The following PARP10 variants were observed in gnomAD, a reference collection of about 807,000 sequenced individuals.
The protein encoded by PARP10 is protein mono-ADP-ribosyltransferase PARP10.
A neutral mutation model predicts 82.4 loss-of-function variants in PARP10; 56 were observed. The observed-to-expected ratio is 0.68, with a 90% CI of 0.55 to 0.85. PARP10 has a LOEUF of 0.85. Among genes scored for constraint, PARP10 ranks in the 40% least tolerant of loss-of-function variants. PARP10 has a pLI of 0.00. For synonymous variants in PARP10, 576 were observed against 601.1 expected (o/e 0.96, Z 0.61); for missense variants, 1,227 against 1,379.4 (o/e 0.89, Z 1.75).
chr8:143,992,722 G>A (rs1834121774), upstream of PARP10: 3 of 1,613,942 alleles, frequency 1.9e-6, no homozygotes, highest in South Asian at 3.3e-5. Context: ...GCTGCTACTG[G>A]GGAACAAGCA....
upstream of PARP10, chr8:143,990,345 G>C (rs1366078289): frequency 6.6e-6 from 1 of 150,880 alleles, no homozygotes; most frequent in Non-Finnish European, 1.5e-5. This position sits in a 1 kb window ranked among gnomAD's most constrained non-coding sequence, Gnocchi z 5.6. Context: ...GCGCGCGGCA[G>C]CTCGCGGCCA....
chr8:143,985,048 C>T lies in PARP10; in HGVS notation c.954G>A (p.Gly318=), dbSNP rs782695512. The T allele has an allele frequency of 6.2e-7, 1 of 1,613,904 alleles. No individual in the cohort carries two copies. Among genetic ancestry groups the T allele is most frequent in the Non-Finnish European group, 8.5e-7 (1 of 1,179,970 alleles). ...CCTGGCCAGAGCCTGTTGTCATAATCCCTCTACCCTGCACCATGGGACCTG... is the reference window on the plus strand; with the variant it reads ...CCTGGCCAGAGCCTGTTGTCATAATTCCTCTACCCTGCACCATGGGACCTG... ...LRTGPMVQGR[G]IMTTGSGQEP... is the part of the protein sequence containing the mutation. Residue 318 remains glycine (G), a synonymous_variant, in exon 5 of 11, where the codon GGG becomes GGA. Transcript: ENST00000313028.
At chr8:143,989,127 C>A (rs987773027), upstream of PARP10, among the ~76,000 whole-genome samples, 8 of 152,370 alleles carry the variant, frequency 5.3e-5, no homozygotes, top group African/African-American at 1.9e-4. This position sits in a 1 kb window ranked among gnomAD's most constrained non-coding sequence, Gnocchi z 4.3. Context: ...ACCATAGGTG[C>A]AGGACTCAGA....
upstream of PARP10, chr8:143,992,954 G>C (rs1382858099): frequency 7.8e-6 from 7 of 893,710 alleles, no homozygotes; most frequent in Non-Finnish European, 1.2e-5. Flanking sequence ...GCACAGCCTA[G>C]GGAAAAGGAT....
At chr8:143,981,409 G>A (rs1833856510) in intron 9 of PARP10, among the ~76,000 whole-genome samples, 1 of 65,646 alleles carries the variant, frequency 1.5e-5, no homozygotes. Flanking sequence ...TGGTGGTGAC[G>A]ACAGTGAGTG....
At position 143,985,207 on chromosome 8, in the gene PARP10, C is replaced by A; in HGVS notation, c.795G>T (p.Pro265=). The part of the protein sequence containing the change: ...LAENTSGGDH[P]STQGPRATKH... Reference sequence around the variant, plus strand: ...TGGTAGCCCTAGGCCCCTGGGTGGACGGGTGGTCCCCTCCACTGGTGTTCT... The same window carrying A: ...TGGTAGCCCTAGGCCCCTGGGTGGAAGGGTGGTCCCCTCCACTGGTGTTCT... Residue 265 remains proline (P), a synonymous_variant, in exon 5 of 11, where the codon CCG becomes CCT. Transcript: ENST00000313028. The A allele has an allele frequency of 6.2e-7, 1 of 1,614,114 alleles. No homozygotes were observed. Among genetic ancestry groups the A allele is most frequent in the South Asian group, 1.1e-5 (1 of 91,082 alleles).
upstream of PARP10, chr8:143,990,449 T>G (rs1372197227): frequency 6.6e-6 from 1 of 150,786 alleles, no homozygotes; most frequent in Non-Finnish European, 1.5e-5. This position sits in a 1 kb window ranked among gnomAD's most constrained non-coding sequence, Gnocchi z 5.6. Flanking sequence ...CCCGTGACCC[T>G]GTGCGCCCCC....
intron 1 of PARP10, among the ~76,000 whole-genome samples, chr8:144,001,362 G>A (rs934797880): frequency 1.3e-5 from 2 of 152,182 alleles, no homozygotes; most frequent in African/African-American, 4.8e-5. Flanking sequence ...TGGGATTACA[G>A]GCGTGAGACA....
chr8:143,980,765 T>C (rs1833833059), intron 9 of PARP10, among the ~76,000 whole-genome samples: 1 of 152,288 alleles, frequency 6.6e-6, no homozygotes, highest in East Asian at 1.9e-4. Context: ...CCTTGAATCC[T>C]AGAACATCTT....
chr8:144,001,724 G>T (rs1171081992), intron 1 of PARP10, among the ~76,000 whole-genome samples: 1 of 151,778 alleles, frequency 6.6e-6, no homozygotes, highest in African/African-American at 2.4e-5. Context: ...GAAGAGAAGA[G>T]AAAAGAGAAA....
intron 9 of PARP10, among the ~76,000 whole-genome samples, chr8:143,978,446 G>A (rs1210903108): frequency 6.6e-6 from 1 of 152,226 alleles, no homozygotes; most frequent in Non-Finnish European, 1.5e-5. Flanking sequence ...GAAAGACCCA[G>A]GTGGGAGAGA....
upstream of PARP10, among the ~76,000 whole-genome samples, chr8:143,994,185 C>T (rs1354378760): frequency 6.6e-6 from 1 of 152,216 alleles, no homozygotes; most frequent in East Asian, 1.9e-4. Flanking sequence ...CTCCCCACTG[C>T]CCAGTCAGTC....
intron 1 of PARP10, 46 bp from the exon 2 acceptor site, chr8:143,986,279 C>G (rs1833990045): frequency 6.2e-7 from 1 of 1,613,434 alleles, no homozygotes; most frequent in Non-Finnish European, 8.5e-7. Flanking sequence ...CATTCCACCC[C>G]TCCTGCCCCT....
rs781798969 is a variant in PARP10, at chr8:143,983,051, G to A, written c.2437C>T (p.Leu813=). 93 of 1,613,232 alleles carry A rather than the reference G, an allele frequency of 5.8e-5. No individual in the cohort carries two copies. The Admixed American group carries it at 1.6e-3, about 27-fold the overall frequency. The change falls in exon 9 of 11, where the codon CTG becomes TTG. Residue 813 remains leucine (L), a synonymous_variant. Coordinates refer to ENST00000313028, the MANE Select transcript of PARP10 (RefSeq NM_032789.5). The part of the protein sequence containing the change: ...ASGPTLAGQT[L]KGPWNNLERL... ...TCCAGGTTGTTCCAGGGCCCCTTCA[G>A]CGTCTGCCCCGCCACTGATGCATGG... is the stretch of plus-strand genomic sequence containing the variant.
Position 143,983,691 on chromosome 8 carries a change from C to G in PARP10, c.1898G>C (p.Gly633Ala). The G allele has an allele frequency of 6.2e-7, 1 of 1,609,300 alleles. No individual in the cohort carries two copies. Among genetic ancestry groups the G allele is most frequent in the African/African-American group, 1.3e-5 (1 of 74,908 alleles). Residue 633 changes from glycine to alanine, a missense_variant, in exon 8 of 11, where the codon GGG (glycine) becomes GCG (alanine). Coordinates refer to ENST00000313028, the MANE Select transcript of PARP10 (RefSeq NM_032789.5). The part of the protein sequence containing the change: ...QEQPEEEVTP[G>A]HEEEEPVAPS... ...GGCCACAGGCTCCTCCTCCTCATGC[C>G]CTGGGGTCACCTCCTCCTCTGGCTG...
At position 143,985,889 on chromosome 8, in the gene PARP10, G is replaced by A. The variant is rs1021037901; in HGVS notation, c.268C>T (p.Arg90Cys). ...GGGGGCAGTCCTTGGAGCAGCAGGCGTGCAGGGGCTCGTGGTGGAGCTGGC... is the reference window on the plus strand; with the variant it reads ...GGGGGCAGTCCTTGGAGCAGCAGGCATGCAGGGGCTCGTGGTGGAGCTGGC... Reference protein sequence around the residue: ...LRPAPPRAPARLLLQGLPPGT... With the variant: ...LRPAPPRAPACLLLQGLPPGT... Residue 90 changes from arginine (R) to cysteine (C), a missense_variant, in exon 3 of 11, where the codon CGC (arginine) becomes TGC (cysteine). Coordinates refer to ENST00000313028, the MANE Select transcript of PARP10 (RefSeq NM_032789.5). The A allele has an allele frequency of 8.2e-6, 13 of 1,590,442 alleles. 1 individual carries two copies. Among genetic ancestry groups the A allele is most frequent in the South Asian group, 4.5e-5 (4 of 89,350 alleles).
chr8:143,984,339 G>C lies in PARP10; in HGVS notation c.1551C>G (p.His517Gln). The change falls in exon 6 of 11, where the codon CAC becomes CAG. Residue 517 changes from histidine (H) to glutamine (Q), a missense_variant. Coordinates refer to ENST00000313028, the MANE Select transcript of PARP10 (RefSeq NM_032789.5). ...SISCHVLCLE[H>Q]PGSARFLLGP... ...CCAGGAGAAACCTGGCGCTGCCCGG[G>C]TGCTCCAGGCACAACACATGGCAGC... 1 of 1,613,824 alleles carries C rather than the reference G, an allele frequency of 6.2e-7. No individual in the cohort carries two copies. Among genetic ancestry groups the C allele is most frequent in the Non-Finnish European group, 8.5e-7 (1 of 1,179,992 alleles).
chr8:143,988,723 C>T (rs188466004), upstream of PARP10: 2,173 of 152,404 alleles, frequency 0.014, 22 homozygotes, highest in Admixed American at 0.02. Flanking sequence ...CCGCCTCGGC[C>T]TCCCAAAGTG....
At chr8:143,991,281 G>A (rs1554750384), upstream of PARP10, 1 of 1,510,816 alleles carries the variant, frequency 6.6e-7, no homozygotes, top group African/African-American at 1.4e-5. Context: ...CCCCAACCCT[G>A]GATATCCGGG....
Sources: gnomAD v4.1 joint callset for allele counts (sites outside exome capture counted in the v4.1 genomes callset) on GRCh38, gnomAD v4.1.1 for gene constraint, Gnocchi (gnomAD v3.1) non-coding constraint, MANE v1.5 for transcripts, NCBI Gene and HGNC (gene_info 2026-07-23, HGNC 2026-07-21) for gene names.